The following CSMD1 variants were observed in gnomAD, a reference collection of about 807,000 sequenced individuals.
CSMD1 encodes the protein CUB and Sushi multiple domains 1, also known as CUB and sushi domain-containing protein 1.
CSMD1 carries 213 observed loss-of-function variants against 417.5 expected under a neutral mutation model. The observed-to-expected ratio is 0.51, with a 90% CI of 0.46 to 0.57. CSMD1 has a LOEUF of 0.57. Ranked by LOEUF, CSMD1 falls within the 20% of genes least tolerant of loss-of-function variation. The probability of loss-of-function intolerance (pLI) is 0.00; values close to 1 mark genes in which losing one functional copy is unlikely to be tolerated. For synonymous variants in CSMD1, 2,862 were observed against 1,736.8 expected, an observed-to-expected ratio of 1.65 and a Z score of -16.11; for missense variants, 6,923 against 4,529.7, an observed-to-expected ratio of 1.53 and a Z score of -15.17.
In CSMD1 at chr8:4,625,543, C is replaced by G. The variant is rs536223134; in HGVS notation, c.302+11799G>C. On this transcript the variant is annotated intron_variant, in intron 2 of 69. Coordinates refer to ENST00000635120, the MANE Select transcript of CSMD1 (RefSeq NM_033225.6). ...CCTCCCTACCTGAACCATCTCTAGT[C>G]CAAAGTAGGACTTCCCTGCCTCCCC... Among the ~76,000 whole-genome samples the G allele has an allele frequency of 4.1e-4, 62 of 151,982 alleles. No homozygotes were observed. The South Asian group carries it at 0.012, about 30-fold the overall frequency.
At chr8:3,411,176 T>A (rs901888854) in intron 12 of CSMD1, among the ~76,000 whole-genome samples, 2 of 152,152 alleles carry the variant, frequency 1.3e-5, no homozygotes, top group Non-Finnish European at 2.9e-5. Flanking sequence ...CTCTGCAACT[T>A]TGGAAGAGCA....
intron 1 of CSMD1, among the ~76,000 whole-genome samples, chr8:4,933,830 T>A (rs1230824499): frequency 6.6e-6 from 1 of 152,176 alleles, no homozygotes; most frequent in Non-Finnish European, 1.5e-5. Flanking sequence ...TTTATTTTGA[T>A]TAAAAATTTG....
Position 4,835,700 on chromosome 8 carries a change from G to A in CSMD1, c.85+158632C>T, listed in dbSNP as rs144662654. Among the ~76,000 whole-genome samples the A allele has an allele frequency of 1.0e-3, 152 of 152,144 alleles. 1 individual carries two copies. Among genetic ancestry groups the A allele is most frequent in the African/African-American group, 3.6e-3 (148 of 41,506 alleles). On this transcript the variant is annotated intron_variant, in intron 1 of 69. Coordinates refer to ENST00000635120, the MANE Select transcript of CSMD1 (RefSeq NM_033225.6). ...TCTTTTATTTGCCACAATGATTGTG[G>A]TCAGTATATTTTAGTTCAACATTTA...
intron 1 of CSMD1, among the ~76,000 whole-genome samples, chr8:4,750,761 A>G (rs1297863583): frequency 6.6e-6 from 1 of 152,200 alleles, no homozygotes; most frequent in East Asian, 1.9e-4. Flanking sequence ...AAGGAAAAAA[A>G]AAAAAAAGTA....
chr8:4,538,632 G>A (rs1469946541), intron 2 of CSMD1, among the ~76,000 whole-genome samples: 2 of 151,874 alleles, frequency 1.3e-5, no homozygotes, highest in African/African-American at 2.4e-5. Flanking sequence ...CACAAAGGAA[G>A]ACTCCATCTC....
At chr8:3,235,160 G>T (rs530594858) in intron 26 of CSMD1, among the ~76,000 whole-genome samples, 1 of 151,902 alleles carries the variant, frequency 6.6e-6, no homozygotes, top group African/African-American at 2.4e-5. Context: ...TGTAAATATC[G>T]CAACATTTAT....
chr8:4,313,875 A>C (rs971027161), intron 3 of CSMD1, among the ~76,000 whole-genome samples: 100 of 152,132 alleles, frequency 6.6e-4, no homozygotes, highest in African/African-American at 2.3e-3. Flanking sequence ...TTAGCTAGGC[A>C]TGGTGGTGCA....
intron 12 of CSMD1, among the ~76,000 whole-genome samples, chr8:3,431,726 C>G (rs988950171): frequency 1.3e-5 from 2 of 152,208 alleles, no homozygotes; most frequent in African/African-American, 4.8e-5. Context: ...TCACATCTCT[C>G]ACTTTACTTT....
intron 3 of CSMD1, among the ~76,000 whole-genome samples, chr8:4,192,000 A>C (rs1411209095): frequency 6.6e-6 from 1 of 152,206 alleles, no homozygotes; most frequent in African/African-American, 2.4e-5. Context: ...ATTTCACTCG[A>C]AATATGCAAG....
At chr8:3,518,312 G>A (rs931754774) in intron 10 of CSMD1, among the ~76,000 whole-genome samples, 3 of 152,232 alleles carry the variant, frequency 2.0e-5, no homozygotes, top group Non-Finnish European at 4.4e-5. Flanking sequence ...AAAAGCTGAC[G>A]CAAATTCCTC....
chr8:4,393,616 T>A (rs975985271), intron 3 of CSMD1, among the ~76,000 whole-genome samples: 2 of 152,146 alleles, frequency 1.3e-5, no homozygotes, highest in African/African-American at 4.8e-5. Flanking sequence ...TAAAGTGTCA[T>A]TGATTAAATT....
rs116891727 is a variant in CSMD1, at chr8:4,574,958, C to A, written c.302+62384G>T. Among the ~76,000 whole-genome samples the A allele has an allele frequency of 1.7e-4, 26 of 152,240 alleles. No individual in the cohort carries two copies. In the East Asian group the frequency reaches 2.3e-3, roughly 14 times the overall value. ...TTAGATCAAGAACTATTCCTAATGA[C>A]CTCTATGAAATTCAGGTGAAATTCG... On this transcript the variant is annotated intron_variant, in intron 2 of 69. Coordinates refer to ENST00000635120, the MANE Select transcript of CSMD1 (RefSeq NM_033225.6).
chr8:4,844,528 T>G (rs1801021642), intron 1 of CSMD1, among the ~76,000 whole-genome samples: 2 of 152,144 alleles, frequency 1.3e-5, no homozygotes, highest in Admixed American at 1.3e-4. Context: ...GACTGCCTGC[T>G]GCGACTGGCT....
At chr8:4,447,993 G>A (rs528432700) in intron 2 of CSMD1, among the ~76,000 whole-genome samples, 1 of 152,106 alleles carries the variant, frequency 6.6e-6, no homozygotes, top group African/African-American at 2.4e-5. Context: ...GGAAATTTTT[G>A]CCAGGGGCAG....
intron 10 of CSMD1, among the ~76,000 whole-genome samples, chr8:3,499,226 G>C (rs1433870631): frequency 2.0e-5 from 3 of 152,186 alleles, no homozygotes; most frequent in East Asian, 1.9e-4. Context: ...GAGTACAGTA[G>C]TGCAGTCTTC....
chr8:3,039,918 A>G (rs1810977956), intron 50 of CSMD1, among the ~76,000 whole-genome samples: 1 of 152,292 alleles, frequency 6.6e-6, no homozygotes, highest in Non-Finnish European at 1.5e-5. Flanking sequence ...TCTAAAAATT[A>G]ATCTGGCTTT....
intron 3 of CSMD1, among the ~76,000 whole-genome samples, chr8:4,283,526 A>T (rs1338940351): frequency 6.6e-6 from 1 of 152,220 alleles, no homozygotes; most frequent in East Asian, 1.9e-4. Flanking sequence ...AACTAAGGAC[A>T]ATCATTTTAT....
chr8:3,762,824 G>A (rs1418430128), intron 5 of CSMD1, among the ~76,000 whole-genome samples: 1 of 152,208 alleles, frequency 6.6e-6, no homozygotes, highest in Non-Finnish European at 1.5e-5. Flanking sequence ...GCAGCCGTGT[G>A]TAAGGCAGCT....
chr8:3,475,290 G>C (rs1370955139), intron 11 of CSMD1, among the ~76,000 whole-genome samples: 1 of 152,098 alleles, frequency 6.6e-6, no homozygotes, highest in Non-Finnish European at 1.5e-5. Flanking sequence ...AGCTCTCTGG[G>C]TGCAATTTTA....
Sources: gnomAD v4.1 joint callset for allele counts (sites outside exome capture counted in the v4.1 genomes callset) on GRCh38, gnomAD v4.1.1 for gene constraint, MANE v1.5 for transcripts, NCBI Gene and HGNC (gene_info 2026-07-23, HGNC 2026-07-21) for gene names.